KLHL24: variants seen among roughly 807,000 people sequenced by gnomAD.
KLHL24 encodes kelch-like protein 24.
A neutral mutation model predicts 53.4 loss-of-function variants in KLHL24; 29 were observed. That is an observed-to-expected ratio of 0.54 (90% CI 0.40 to 0.74). The LOEUF is 0.74. Among genes scored for constraint, KLHL24 ranks in the 30% least tolerant of loss-of-function variants. The pLI is 0.00. For synonymous variants in KLHL24, 222 were observed against 253.7 expected, an observed-to-expected ratio of 0.88 and a Z score of 1.19; for missense variants, 504 against 744.0, an observed-to-expected ratio of 0.68 and a Z score of 3.75.
In KLHL24 at chr3:183,663,236, G is replaced by C. The variant is rs12696508; in HGVS notation, c.921-222G>C. On this transcript the variant is annotated intron_variant, in intron 3 of 7. Transcript: ENST00000242810. This position sits in a 1 kb window ranked among gnomAD's most constrained non-coding sequence, Gnocchi z 4.9. ...AGGTCAAAACCAATAGAAAAAAATAGCAACAGAAATTTTCTGTGGAATAAT... is the reference window on the plus strand; with the variant it reads ...AGGTCAAAACCAATAGAAAAAAATACCAACAGAAATTTTCTGTGGAATAAT... Among the ~76,000 whole-genome samples the C allele has an allele frequency of 0.33, 50,808 of 151,786 alleles. 9,354 individuals are homozygous for C. The highest frequency in any genetic ancestry group is 0.49 in the African/African-American group (20,207 of 41,338).
rs1393563463 is a variant in KLHL24, at chr3:183,684,173, C to CTTGAAAAAGCA, written c.*4887_*4888insTTGAAAAAGCA. ...TTGAAAAAGCACTTACTCTCCCCTT[C>CTTGAAAAAGCA]CCTATCACCCCTCCCCCAAGGTTTC... On this transcript the variant is annotated 3_prime_UTR_variant, in exon 8 of 8. Transcript: ENST00000242810. 1 of 152,142 alleles carries CTTGAAAAAGCA rather than the reference C, an allele frequency of 6.6e-6. No homozygotes were observed. Among genetic ancestry groups the CTTGAAAAAGCA allele is most frequent in the African/African-American group, 2.4e-5 (1 of 41,404 alleles). The allele number at this position is 152,142 out of a possible 1,614,324, so 9.4% of individuals were successfully genotyped here.
chr3:183,638,023 A>G (rs1715645321), intron 1 of KLHL24, among the ~76,000 whole-genome samples: 1 of 152,212 alleles, frequency 6.6e-6, no homozygotes, highest in African/African-American at 2.4e-5. Flanking sequence ...TTGAATATGA[A>G]CAGTTCCTAT....
At chr3:183,658,212 C>CAAA (rs35529680) in intron 3 of KLHL24, among the ~76,000 whole-genome samples, 41,777 of 135,258 alleles carry the variant, frequency 0.31, 6,221 homozygotes, top group Middle Eastern at 0.39. Flanking sequence ...GACTCTGTCT[C>CAAA]AAAAAAAAAA....
intron 2 of KLHL24, among the ~76,000 whole-genome samples, chr3:183,649,697 C>T (rs1055946191): frequency 6.6e-6 from 1 of 151,420 alleles, no homozygotes; most frequent in Admixed American, 6.6e-5. Context: ...GAGAGGATCG[C>T]TTGAGGCCAG....
intron 3 of KLHL24, among the ~76,000 whole-genome samples, chr3:183,659,187 T>G (rs1450246094): frequency 6.6e-6 from 1 of 152,086 alleles, no homozygotes; most frequent in Non-Finnish European, 1.5e-5. Flanking sequence ...CAAATTCTGA[T>G]TGCAAATAGA....
At chr3:183,641,170 T>C (rs1716363148) in intron 1 of KLHL24, among the ~76,000 whole-genome samples, 1 of 152,170 alleles carries the variant, frequency 6.6e-6, no homozygotes, top group African/African-American at 2.4e-5. Context: ...TAGTACCTTA[T>C]TATATATGAT....
rs1020729068 is a variant in KLHL24 at position 183,681,401 on chromosome 3, A to G, written c.*2115A>G. 3 of 152,186 alleles carry G rather than the reference A, an allele frequency of 2.0e-5. No homozygotes were observed. Among genetic ancestry groups the G allele is most frequent in the African/African-American group, 7.2e-5 (3 of 41,446 alleles). The allele number at this position is 152,186 out of a possible 1,614,324, so 9.4% of individuals were successfully genotyped here. ...ACATAAAAAAAGACTTTCTCAAGAC[A>G]ACTTTATATTCTAGTATTTTTCTGT... is the stretch of plus-strand genomic sequence containing the variant. On this transcript the variant is annotated 3_prime_UTR_variant, in exon 8 of 8. Coordinates refer to ENST00000242810, the MANE Select transcript of KLHL24 (RefSeq NM_017644.3).
At chr3:183,660,862 G>A (rs995556011) in intron 3 of KLHL24, among the ~76,000 whole-genome samples, 5 of 151,402 alleles carry the variant, frequency 3.3e-5, no homozygotes, top group African/African-American at 9.7e-5. Flanking sequence ...TCGAAACCAC[G>A]TGTTAGGAGG....
chr3:183,668,185 A>G (rs1392138702), intron 5 of KLHL24, among the ~76,000 whole-genome samples: 1 of 152,018 alleles, frequency 6.6e-6, no homozygotes, highest in African/African-American at 2.4e-5. Flanking sequence ...TATTATATAT[A>G]GTGTTTGAGG....
Position 183,680,760 on chromosome 3 carries a change from T to C in KLHL24, c.*1474T>C, listed in dbSNP as rs534933724. On this transcript the variant is annotated 3_prime_UTR_variant, in exon 8 of 8. Coordinates refer to ENST00000242810, the MANE Select transcript of KLHL24 (RefSeq NM_017644.3). ...TATTGTGATTCTGGGTGGACGGATATAATTTACAACATTTAGGGATGTTCT... is the reference window on the plus strand; with the variant it reads ...TATTGTGATTCTGGGTGGACGGATACAATTTACAACATTTAGGGATGTTCT... 1 of 152,322 alleles carries C rather than the reference T, an allele frequency of 6.6e-6. No homozygotes were observed. The highest frequency in any genetic ancestry group is 2.4e-5 in the African/African-American group (1 of 41,572). The allele number at this position is 152,322 out of a possible 1,614,324, so 9.4% of individuals were successfully genotyped here. A position where few individuals can be genotyped will look rare whatever the true frequency, so the allele number is the denominator to read the frequency against.
chr3:183,671,256 T>G (rs1721289710), intron 6 of KLHL24, 34 bp downstream of exon 6: 1 of 1,575,926 alleles, frequency 6.3e-7, no homozygotes, highest in Admixed American at 1.7e-5. Flanking sequence ...ATTACCAATA[T>G]TAAGTACAAG....
chr3:183,648,255 A>G (rs1717609524), intron 2 of KLHL24, among the ~76,000 whole-genome samples: 1 of 152,172 alleles, frequency 6.6e-6, no homozygotes, highest in South Asian at 2.1e-4. Flanking sequence ...GATAAATAGG[A>G]ACATGAAAAA....
At chr3:183,640,108 A>G (rs1468764555) in intron 1 of KLHL24, among the ~76,000 whole-genome samples, 2 of 150,000 alleles carry the variant, frequency 1.3e-5, no homozygotes. Context: ...ATCAAATAAA[A>G]CAATGCATTA....
At chr3:183,640,600 C>CT (rs761361160) in intron 1 of KLHL24, among the ~76,000 whole-genome samples, 2,943 of 61,570 alleles carry the variant, frequency 0.048, 30 homozygotes, top group African/African-American at 0.1. Flanking sequence ...TTTCTTTTTT[C>CT]TTTTTTTTTT....
rs1720077020 is a variant in KLHL24, at chr3:183,663,402, A to G, written c.921-56A>G. On this transcript the variant is annotated intron_variant, in intron 3 of 7. Transcript: ENST00000242810. The surrounding 1 kb of genome is among the most constrained non-coding windows in gnomAD (Gnocchi z 4.9). ...AGAGTTTTAAGAAAAAATCTGGAGTATATTTTAATGTAATATTATTATATT... is the reference window on the plus strand; with the variant it reads ...AGAGTTTTAAGAAAAAATCTGGAGTGTATTTTAATGTAATATTATTATATT... The G allele has an allele frequency of 1.2e-5, 11 of 923,746 alleles. No individual in the cohort carries two copies. The highest frequency in any genetic ancestry group is 6.7e-5 in the South Asian group (2 of 29,972). The allele number at this position is 923,746 out of a possible 1,614,324, so 57.2% of individuals were successfully genotyped here. A position where few individuals can be genotyped will look rare whatever the true frequency, so the allele number is the denominator to read the frequency against.
Position 183,672,997 on chromosome 3 carries a change from A to AAAAT in KLHL24, c.1602+529_1602+532dup, listed in dbSNP as rs1033413815. 23 of 152,260 alleles carry AAAAT rather than the reference A, an allele frequency of 1.5e-4. No individual in the cohort carries two copies. The East Asian group carries it at 3.1e-3, about 20-fold the overall frequency. 9.4% of individuals were successfully genotyped at this position (152,260 alleles called of 1,614,324 possible). A position where few individuals can be genotyped will look rare whatever the true frequency, so the allele number is the denominator to read the frequency against. ...ACAGCAAGAGCGAAACTCCGTCTCA[A>AAAAT]AAATAAATAAATAAATAAAAATAAA... On this transcript the variant is annotated intron_variant, in intron 7 of 7. Transcript: ENST00000242810.
Position 183,663,520 on chromosome 3 carries a change from A to C in KLHL24, c.983A>C (p.Asn328Thr), listed in dbSNP as rs1165786705. Residue 328 changes from asparagine to threonine, a missense_variant, in exon 4 of 8, where the codon AAT (asparagine) becomes ACT (threonine). Asn to Thr is a moderately conservative substitution (Grantham distance 65, BLOSUM62 0). Coordinates refer to ENST00000242810, the MANE Select transcript of KLHL24 (RefSeq NM_017644.3). The surrounding 1 kb of genome is among the most constrained non-coding windows in gnomAD (Gnocchi z 4.9). ...GGATGTGAGCGAGTTGGAGGATTTA[A>C]TCTTCCATACACTGAGTGCTACGAT... is the stretch of plus-strand genomic sequence containing the variant. ...VGGCERVGGF[N>T]LPYTECYDPV... is the part of the protein sequence containing the mutation. The C allele has an allele frequency of 6.3e-7, 1 of 1,592,810 alleles. No homozygotes were observed. Among genetic ancestry groups the C allele is most frequent in the South Asian group, 1.2e-5 (1 of 86,554 alleles).
intron 2 of KLHL24, among the ~76,000 whole-genome samples, chr3:183,648,932 G>A (rs1265857986): frequency 1.3e-5 from 2 of 152,126 alleles, no homozygotes; most frequent in African/African-American, 4.8e-5. Context: ...GAACCTAGGA[G>A]GTGGAGATTG....
Position 183,679,407 on chromosome 3 carries a change from T to G in KLHL24, c.*121T>G, listed in dbSNP as rs910492040. 7 of 663,954 alleles carry G rather than the reference T, an allele frequency of 1.1e-5. No homozygotes were observed. The highest frequency in any genetic ancestry group is 9.0e-5 in the Admixed American group (3 of 33,312). The allele number at this position is 663,954 out of a possible 1,614,324, so 41.1% of individuals were successfully genotyped here. ...TGCAAAAAATAGTAAAAATAATAAT[T>G]TGGTGCCTTTCTCCTCAAAATATCA... On this transcript the variant is annotated 3_prime_UTR_variant, in exon 8 of 8. Transcript: ENST00000242810.
Sources: allele counts gnomAD v4.1 joint callset (sites outside exome capture counted in the v4.1 genomes callset), GRCh38; gene constraint gnomAD v4.1.1; non-coding constraint Gnocchi (gnomAD v3.1); transcripts MANE v1.5; gene names NCBI Gene and HGNC (gene_info 2026-07-23, HGNC 2026-07-21).